Variants in HEPHL1 observed in about 807,000 individuals in gnomAD.
HEPHL1 encodes hephaestin like 1, also known as ferroxidase HEPHL1.
In HEPHL1, 123 loss-of-function variants were observed where a neutral mutation model predicts 122.0. The ratio of observed to expected loss-of-function variants is 1.01; its 90% CI spans 0.87 to 1.17. HEPHL1 has a LOEUF of 1.17. Ranked by LOEUF, HEPHL1 falls within the 50% of genes most tolerant of loss-of-function variation. HEPHL1 has a pLI of 0.00. For synonymous variants in HEPHL1, 527 were observed against 508.9 expected (o/e 1.04, Z -0.48); for missense variants, 1,452 against 1,430.5 (o/e 1.01, Z -0.24).
intron 2 of HEPHL1, chr11:94,055,647 G>A: frequency 2.5e-6 from 1 of 396,052 alleles, no homozygotes; most frequent in East Asian, 6.7e-5. Flanking sequence ...CCTTTCCAAT[G>A]CTGGTGAAGA....
At chr11:94,104,462 C>A (rs1055198016) in intron 15 of HEPHL1, 66 bp from the exon 16 acceptor site, 1 of 1,082,168 alleles carries the variant, frequency 9.2e-7, no homozygotes, top group Non-Finnish European at 1.4e-6. Flanking sequence ...AGAATGGTGG[C>A]AGGTGGAATG....
At chr11:94,070,236 T>C in intron 5 of HEPHL1, 138 bp from the exon 6 acceptor site, 1 of 704,608 alleles carries the variant, frequency 1.4e-6, no homozygotes, top group Non-Finnish European at 2.2e-6. Context: ...ATTTATCCTT[T>C]TTAAAAAAAC....
intron 1 of HEPHL1, among the ~76,000 whole-genome samples, chr11:94,038,188 T>C (rs1274956826): frequency 1.1e-4 from 16 of 150,706 alleles, no homozygotes; most frequent in Admixed American, 5.9e-4. Context: ...TAAAAAGAAA[T>C]GAGCAAAGCC....
At chr11:94,089,886 C>G in intron 12 of HEPHL1, among the ~76,000 whole-genome samples, 1 of 152,066 alleles carries the variant, frequency 6.6e-6, no homozygotes, top group East Asian at 1.9e-4. Flanking sequence ...TACATTGTCC[C>G]TCCTGGCCCA....
chr11:94,043,470 G>C (rs781219959), intron 1 of HEPHL1, among the ~76,000 whole-genome samples: 2 of 152,066 alleles, frequency 1.3e-5, no homozygotes, highest in Non-Finnish European at 1.5e-5. Flanking sequence ...GCCAGGTCTG[G>C]ATCACAAGTC....
intron 9 of HEPHL1, among the ~76,000 whole-genome samples, chr11:94,079,243 T>A (rs1009840387): frequency 6.6e-6 from 1 of 152,154 alleles, no homozygotes; most frequent in Non-Finnish European, 1.5e-5. Context: ...AATTAGGGCT[T>A]AGAGAGGATA....
Position 94,022,881 on chromosome 11 carries a change from A to ATAAGAATGT in HEPHL1, c.170+1345_170+1353dup, listed in dbSNP as rs1421532380. Among the ~76,000 whole-genome samples the ATAAGAATGT allele has an allele frequency of 4.6e-5, 7 of 152,324 alleles. No individual in the cohort carries two copies. In the South Asian group the frequency reaches 1.2e-3, roughly 27 times the overall value. On this transcript the variant is annotated intron_variant, in intron 1 of 19. Coordinates refer to ENST00000315765, the MANE Select transcript of HEPHL1 (RefSeq NM_001098672.2). Reference sequence around the variant, plus strand: ...CAGTCAATGTGAGCAGCTACTGGGGATAAGAATGTTGAAAGTGTGTACACT... The same window carrying ATAAGAATGT: ...CAGTCAATGTGAGCAGCTACTGGGGATAAGAATGTTAAGAATGTTGAAAGTGTGTACACT...
At chr11:94,044,645 C>T (rs1945816937) in intron 1 of HEPHL1, among the ~76,000 whole-genome samples, 1 of 152,150 alleles carries the variant, frequency 6.6e-6, no homozygotes, top group South Asian at 2.1e-4. Context: ...CCTCACTGTA[C>T]ATCAGTTGTC....
chr11:94,042,988 G>A (rs1207598327), intron 1 of HEPHL1, among the ~76,000 whole-genome samples: 1 of 151,672 alleles, frequency 6.6e-6, no homozygotes, highest in East Asian at 1.9e-4. Flanking sequence ...GTTTCCTTTG[G>A]AAAGGATTGG....
At chr11:94,077,295 GT>G (rs1565356164) in intron 9 of HEPHL1, among the ~76,000 whole-genome samples, 1 of 152,108 alleles carries the variant, frequency 6.6e-6, no homozygotes, top group East Asian at 1.9e-4. Context: ...AGAAAAACAT[GT>G]TTTTCCTGGT....
At chr11:94,094,768 C>T (rs1210607383) in intron 13 of HEPHL1, among the ~76,000 whole-genome samples, 2 of 152,130 alleles carry the variant, frequency 1.3e-5, no homozygotes, top group Non-Finnish European at 2.9e-5. Flanking sequence ...AGCATTTTTT[C>T]ATGTGTCTGT....
chr11:94,100,566 A>G (rs1044868792), intron 13 of HEPHL1, among the ~76,000 whole-genome samples: 65 of 152,358 alleles, frequency 4.3e-4, no homozygotes, highest in African/African-American at 1.5e-3. Context: ...TTAGATGTGC[A>G]TTTGTGAAGT....
chr11:94,056,114 CT>C, intron 2 of HEPHL1: 1 of 291,136 alleles, frequency 3.4e-6, no homozygotes, highest in Non-Finnish European at 6.5e-6. Context: ...TATATTGACC[CT>C]TTTATCGCGA....
intron 1 of HEPHL1, among the ~76,000 whole-genome samples, chr11:94,038,080 C>A (rs1377261639): frequency 2.7e-5 from 4 of 148,458 alleles, no homozygotes; most frequent in Non-Finnish European, 6.0e-5. Context: ...AATGCAGAAG[C>A]CTCAGGAGCC....
At chr11:94,052,018 A>G (rs1319194173) in intron 2 of HEPHL1, among the ~76,000 whole-genome samples, 2 of 152,186 alleles carry the variant, frequency 1.3e-5, no homozygotes, top group South Asian at 2.1e-4. Flanking sequence ...TTATGCCAGT[A>G]CCATGCCATT....
At chr11:94,052,877 G>A (rs1945902680) in intron 2 of HEPHL1, among the ~76,000 whole-genome samples, 2 of 152,086 alleles carry the variant, frequency 1.3e-5, no homozygotes, top group African/African-American at 2.4e-5. Flanking sequence ...GATGCAATTT[G>A]CTAATATTTT....
chr11:94,043,853 G>A (rs1945809371), intron 1 of HEPHL1, among the ~76,000 whole-genome samples: 1 of 152,020 alleles, frequency 6.6e-6, no homozygotes, highest in African/African-American at 2.4e-5. Flanking sequence ...TTCCAGAATA[G>A]GGGCTCCTTC....
intron 10 of HEPHL1, 134 bp downstream of exon 10, chr11:94,082,702 C>A: frequency 1.3e-6 from 1 of 762,874 alleles, no homozygotes; most frequent in Non-Finnish European, 2.1e-6. Flanking sequence ...TTATTTCATG[C>A]CTTCAGCTTT....
chr11:94,094,004 A>G (rs1313351564), intron 13 of HEPHL1, among the ~76,000 whole-genome samples: 1 of 112,214 alleles, frequency 8.9e-6, no homozygotes, highest in African/African-American at 3.9e-5. Flanking sequence ...ATATATATAT[A>G]TATATATATA....
Sources: gnomAD v4.1 joint callset for allele counts (sites outside exome capture counted in the v4.1 genomes callset) on GRCh38, gnomAD v4.1.1 for gene constraint, MANE v1.5 for transcripts, NCBI Gene and HGNC (gene_info 2026-07-23, HGNC 2026-07-21) for gene names.